Variants in KCNK13 observed in about 807,000 individuals in gnomAD.
KCNK13 encodes the protein potassium channel subfamily K member 13.
KCNK13 carries 12 observed loss-of-function variants against 23.4 expected under a neutral mutation model. The observed-to-expected ratio is 0.51, with a 90% CI of 0.33 to 0.83. KCNK13 has a LOEUF of 0.83. Ranked by LOEUF, KCNK13 falls within the 40% of genes least tolerant of loss-of-function variation. KCNK13 has a pLI of 0.02. For synonymous variants in KCNK13, 231 were observed against 229.5 expected (o/e 1.01, Z -0.06); for missense variants, 463 against 556.3 (o/e 0.83, Z 1.69).
intron 1 of KCNK13, among the ~76,000 whole-genome samples, chr14:90,170,494 G>C (rs752426054): frequency 6.6e-5 from 10 of 152,184 alleles, no homozygotes; most frequent in Non-Finnish European, 1.0e-4. Context: ...GATTACAGGC[G>C]TGAGCCACCG....
chr14:90,115,750 G>T (rs796246847), intron 1 of KCNK13, among the ~76,000 whole-genome samples: 21 of 152,292 alleles, frequency 1.4e-4, no homozygotes, highest in African/African-American at 4.8e-4. Context: ...GCCATGGTTT[G>T]TCCACCCTGA....
chr14:90,182,520 T>C (rs1890499257), intron 1 of KCNK13, among the ~76,000 whole-genome samples: 1 of 152,052 alleles, frequency 6.6e-6, no homozygotes, highest in Non-Finnish European at 1.5e-5. Context: ...AAATTTGAAC[T>C]TGAAAATAAG....
chr14:90,087,930 G>A (rs905302572), intron 1 of KCNK13, among the ~76,000 whole-genome samples: 1 of 152,138 alleles, frequency 6.6e-6, no homozygotes. Context: ...TGTAAATGCT[G>A]ATTTTGGAAT....
At chr14:90,126,840 G>C (rs768739266) in intron 1 of KCNK13, among the ~76,000 whole-genome samples, 2 of 152,042 alleles carry the variant, frequency 1.3e-5, no homozygotes, top group Non-Finnish European at 2.9e-5. Context: ...ACGGTGCCCC[G>C]CCTCCAGTCT....
intron 1 of KCNK13, among the ~76,000 whole-genome samples, chr14:90,093,015 C>T (rs1889367848): frequency 6.6e-6 from 1 of 151,504 alleles, no homozygotes; most frequent in South Asian, 2.1e-4. Flanking sequence ...GGGTGCTAAG[C>T]TTCCTCTGGG....
intron 1 of KCNK13, among the ~76,000 whole-genome samples, chr14:90,120,309 G>A (rs376512747): frequency 1.3e-5 from 2 of 152,178 alleles, no homozygotes; most frequent in South Asian, 2.1e-4. Context: ...CACTATTCCA[G>A]TGAGGATGAC....
rs571136230 is a variant in KCNK13 at position 90,146,225 on chromosome 14, G to A, written c.335-37886G>A. On this transcript the variant is annotated intron_variant, in intron 1 of 1. Coordinates refer to ENST00000282146, the MANE Select transcript of KCNK13 (RefSeq NM_022054.4). The stretch of plus-strand genomic sequence containing the variant: ...TTATCCATTATAGAAGATCTTCTTA[G>A]AATTGATCCTCTTTACCATGGTAAT... Among the ~76,000 whole-genome samples the A allele has an allele frequency of 1.1e-4, 17 of 152,204 alleles. 1 individual carries two copies. The highest frequency in any genetic ancestry group is 4.1e-4 in the African/African-American group (17 of 41,536).
At chr14:90,068,125 A>G (rs1889029575) in intron 1 of KCNK13, among the ~76,000 whole-genome samples, 1 of 152,142 alleles carries the variant, frequency 6.6e-6, no homozygotes, top group Non-Finnish European at 1.5e-5. Context: ...TGAAGAGTCA[A>G]GCACCAATGA....
chr14:90,108,145 T>C, intron 1 of KCNK13: 1 of 368,266 alleles, frequency 2.7e-6, no homozygotes, highest in Non-Finnish European at 5.1e-6. Flanking sequence ...AACTTGCTCT[T>C]GACCACGGGG....
intron 1 of KCNK13, among the ~76,000 whole-genome samples, chr14:90,146,708 AT>A (rs543725902): frequency 4.7e-5 from 7 of 149,850 alleles, no homozygotes; most frequent in African/African-American, 9.8e-5. Flanking sequence ...GTTGAATTTG[AT>A]TTTTTTTTTC....
chr14:90,141,899 C>T (rs1890012309), intron 1 of KCNK13, among the ~76,000 whole-genome samples: 3 of 152,092 alleles, frequency 2.0e-5, no homozygotes, highest in African/African-American at 2.4e-5. Flanking sequence ...TCTCCTGCCT[C>T]AGCCTCCCAA....
At chr14:90,120,497 C>A (rs1447638739) in intron 1 of KCNK13, among the ~76,000 whole-genome samples, 1 of 152,196 alleles carries the variant, frequency 6.6e-6, no homozygotes, top group Non-Finnish European at 1.5e-5. Context: ...GAAGGGGAAG[C>A]AAACACGTCC....
At chr14:90,116,200 C>T (rs181061511) in intron 1 of KCNK13, among the ~76,000 whole-genome samples, 2 of 152,208 alleles carry the variant, frequency 1.3e-5, no homozygotes, top group East Asian at 3.9e-4. Flanking sequence ...CAGATAGAAA[C>T]ATAAGAACAC....
At position 90,142,508 on chromosome 14, in the gene KCNK13, TG is replaced by T. The variant is rs373124784; in HGVS notation, c.335-41599del. 2.2e-3 allele frequency among the ~76,000 whole-genome samples: 329 copies of T among 151,830 alleles called. 2 individuals are homozygous for T. Among genetic ancestry groups the T allele is most frequent in the African/African-American group, 7.7e-3 (318 of 41,412 alleles). On this transcript the variant is annotated intron_variant, in intron 1 of 1. Coordinates refer to ENST00000282146, the MANE Select transcript of KCNK13 (RefSeq NM_022054.4). ...TAATTTTTTTTATTTTTAGTAGAGA[TG>T]GGGTTTCATCGTGTTAGCCAGGATA...
At chr14:90,165,775 A>G (rs1242505798) in intron 1 of KCNK13, among the ~76,000 whole-genome samples, 2 of 152,356 alleles carry the variant, frequency 1.3e-5, no homozygotes, top group African/African-American at 4.8e-5. Context: ...AGAAATAATG[A>G]CAGCATTTAT....
chr14:90,075,359 G>A (rs576556234), intron 1 of KCNK13, among the ~76,000 whole-genome samples: 75 of 152,262 alleles, frequency 4.9e-4, no homozygotes, highest in African/African-American at 1.8e-3. Flanking sequence ...CCAGGTCCTT[G>A]TTGTATCTTT....
chr14:90,134,361 G>A (rs1889910500), intron 1 of KCNK13, among the ~76,000 whole-genome samples: 1 of 152,188 alleles, frequency 6.6e-6, no homozygotes, highest in Non-Finnish European at 1.5e-5. Context: ...TGTACGCAGA[G>A]GTAACACTTC....
At chr14:90,115,829 G>A (rs1011504238) in intron 1 of KCNK13, among the ~76,000 whole-genome samples, 3 of 152,214 alleles carry the variant, frequency 2.0e-5, no homozygotes, top group Non-Finnish European at 4.4e-5. Flanking sequence ...TCTGTGGGTG[G>A]TGCCCAGGCA....
intron 1 of KCNK13, among the ~76,000 whole-genome samples, chr14:90,104,696 A>G (rs1202604466): frequency 1.4e-5 from 2 of 144,942 alleles, no homozygotes; most frequent in East Asian, 4.1e-4. Flanking sequence ...CATCCTACCC[A>G]GGTTGGGCAA....
Sources: gnomAD v4.1 joint callset for allele counts (sites outside exome capture counted in the v4.1 genomes callset) on GRCh38, gnomAD v4.1.1 for gene constraint, MANE v1.5 for transcripts, NCBI Gene and HGNC (gene_info 2026-07-23, HGNC 2026-07-21) for gene names.